The following CEP135 variants were observed in gnomAD, a reference collection of about 807,000 sequenced individuals.
The protein encoded by CEP135 is centrosomal protein of 135 kDa.
CEP135 carries 142 observed loss-of-function variants against 157.3 expected under a neutral mutation model. That is an observed-to-expected ratio of 0.90 (90% CI 0.79 to 1.04). The LOEUF is 1.04. Ranked by LOEUF, CEP135 falls within the 50% of genes least tolerant of loss-of-function variation. The pLI, the probability that CEP135 is intolerant of heterozygous loss-of-function variation, is 0.00. For synonymous variants in CEP135, 396 were observed against 439.8 expected, an observed-to-expected ratio of 0.90 and a Z score of 1.25; for missense variants, 1,317 against 1,309.2, an observed-to-expected ratio of 1.01 and a Z score of -0.09.
At chr4:56,009,984 A>G in intron 19 of CEP135, 81 bp downstream of exon 19, 2 of 1,316,026 alleles carry the variant, frequency 1.5e-6, no homozygotes, top group Non-Finnish European at 2.1e-6. Flanking sequence ...TATTTTTTCT[A>G]AAATCTGATG....
intron 24 of CEP135, among the ~76,000 whole-genome samples, chr4:56,021,794 G>A (rs1560426434): frequency 2.0e-5 from 3 of 152,208 alleles, no homozygotes; most frequent in African/African-American, 7.2e-5. Flanking sequence ...GGAGGCCAAG[G>A]CAGGTGGATT....
At chr4:56,004,405 A>C (rs1401687526) in intron 17 of CEP135, among the ~76,000 whole-genome samples, 1 of 152,218 alleles carries the variant, frequency 6.6e-6, no homozygotes, top group Admixed American at 6.5e-5. Context: ...AATGTTCTGT[A>C]AATGTCAGTT....
chr4:55,959,701 G>T lies in CEP135; in HGVS notation c.634G>T (p.Glu212Ter). 6.2e-7 allele frequency: 1 copy of T among 1,614,032 alleles called. No homozygotes were observed. Among genetic ancestry groups the T allele is most frequent in the Non-Finnish European group, 8.5e-7 (1 of 1,179,962 alleles). ...TTTCAGGATTCAAGAACTTCAACAG[G>T]AAGTCCACCAGCTACAAGAAAAGTT... Reference protein sequence around the residue: ...ADNRIQELQQEVHQLQEKLAM... With the variant: ...ADNRIQELQQ The change falls in exon 6 of 26, where the codon GAA becomes TAA. Residue 212 changes from glutamate to a stop codon, truncating the protein, a stop_gained. Coordinates refer to ENST00000257287, the MANE Select transcript of CEP135 (RefSeq NM_025009.5). LOFTEE classifies it high-confidence loss of function.
At chr4:55,961,229 C>T (rs1402331552) in intron 6 of CEP135, among the ~76,000 whole-genome samples, 1 of 151,756 alleles carries the variant, frequency 6.6e-6, no homozygotes, top group Non-Finnish European at 1.5e-5. Context: ...TATAATTACA[C>T]TTTCATTTTT....
intron 25 of CEP135, among the ~76,000 whole-genome samples, chr4:56,028,930 C>T (rs1018862527): frequency 2.0e-5 from 3 of 152,158 alleles, no homozygotes; most frequent in Admixed American, 1.3e-4. Context: ...CCCTTCCCCT[C>T]GACTTCAGAT....
intron 6 of CEP135, among the ~76,000 whole-genome samples, chr4:55,962,209 C>T (rs1485811487): frequency 6.6e-6 from 1 of 152,090 alleles, no homozygotes; most frequent in Non-Finnish European, 1.5e-5. Flanking sequence ...ATGCCATTCT[C>T]CTGCCTTGGC....
chr4:56,011,973 A>G lies in CEP135; in HGVS notation c.2790A>G (p.Lys930=). ...HLRERVELLE[K]EIQEHINAHH... ...GAGAAAGAGTGGAGCTATTAGAAAA[A>G]GAAATTCAAGAGGTAATATATTTAT... is the stretch of plus-strand genomic sequence containing the variant. Residue 930 remains lysine (K), a synonymous_variant, in exon 21 of 26, where the codon AAA becomes AAG. Coordinates refer to ENST00000257287, the MANE Select transcript of CEP135 (RefSeq NM_025009.5). 6.5e-7 allele frequency: 1 copy of G among 1,538,206 alleles called. No homozygotes were observed. Among genetic ancestry groups the G allele is most frequent in the Non-Finnish European group, 8.7e-7 (1 of 1,144,358 alleles).
Position 55,979,617 on chromosome 4 carries a change from C to T in CEP135, c.1474-526C>T, listed in dbSNP as rs571707577. ...TACCTGTACTGGGCGAGCAGGCACA[C>T]AAGTACCCTGCTGGCCCCTTCTCTG... On this transcript the variant is annotated intron_variant, in intron 11 of 25. Transcript: ENST00000257287. Among the ~76,000 whole-genome samples, 4 of 152,146 alleles carry T rather than the reference C, an allele frequency of 2.6e-5. No individual in the cohort carries two copies. The South Asian group carries it at 8.3e-4, about 32-fold the overall frequency.
intron 14 of CEP135, 21 bp from the exon 15 acceptor site, chr4:55,991,913 G>GTTTTTTTTTTTT: frequency 7.7e-7 from 1 of 1,301,496 alleles, no homozygotes; most frequent in Non-Finnish European, 1.1e-6. Flanking sequence ...TATACCTACT[G>GTTTTTTTTTTTT]TTTTTTTATT....
intron 19 of CEP135, among the ~76,000 whole-genome samples, chr4:56,010,229 G>A (rs1730529382): frequency 1.4e-5 from 2 of 143,202 alleles, no homozygotes; most frequent in Non-Finnish European, 3.0e-5. Flanking sequence ...CAGGCCTGGC[G>A]GCATGCGCCT....
chr4:55,973,174 A>T (rs930498738), intron 10 of CEP135, among the ~76,000 whole-genome samples: 1 of 152,176 alleles, frequency 6.6e-6, no homozygotes, highest in African/African-American at 2.4e-5. Context: ...TGAGCCAAAC[A>T]GTTTACCTTC....
intron 15 of CEP135, among the ~76,000 whole-genome samples, chr4:55,996,919 A>T (rs533626813): frequency 1.3e-5 from 2 of 152,310 alleles, no homozygotes; most frequent in East Asian, 3.9e-4. Context: ...TCCATGTAAT[A>T]CAATATAACT....
Position 56,008,322 on chromosome 4 carries a change from T to C in CEP135, c.2281-5T>C. On this transcript the variant is annotated splice_region_variant and splice_polypyrimidine_tract_variant and intron_variant, in intron 17 of 25. Coordinates refer to ENST00000257287, the MANE Select transcript of CEP135 (RefSeq NM_025009.5). Reference sequence around the variant, plus strand: ...AAATCTTACACATTTTTGTAATTTCTATAGGAAAAAGCTGTTGCTCAAATG... The same window carrying C: ...AAATCTTACACATTTTTGTAATTTCCATAGGAAAAAGCTGTTGCTCAAATG... 1 of 1,604,600 alleles carries C rather than the reference T, an allele frequency of 6.2e-7. No homozygotes were observed. Among genetic ancestry groups the C allele is most frequent in the South Asian group, 1.1e-5 (1 of 89,420 alleles).
In CEP135 at chr4:55,999,491, A is replaced by T. The variant is rs1385646006; in HGVS notation, c.2126A>T (p.Asp709Val). The change falls in exon 17 of 26, where the codon GAT (aspartate) becomes GTT (valine). Residue 709 changes from aspartate to valine, a missense_variant and splice_region_variant. Transcript: ENST00000257287. ...AACAAACATTTCTTTTCATTTGTAG[A>T]TGAACTAAACCTTAAGATGACTTCA... Reference protein sequence around the residue: ...AQIKILEEKIDELNLKMTSQD... With the variant: ...AQIKILEEKIVELNLKMTSQD... The T allele has an allele frequency of 1.2e-6, 2 of 1,612,416 alleles. No individual in the cohort carries two copies. The highest frequency in any genetic ancestry group is 1.7e-6 in the Non-Finnish European group (2 of 1,179,604).
chr4:55,994,745 G>A (rs1368776108), intron 15 of CEP135, among the ~76,000 whole-genome samples: 1 of 150,718 alleles, frequency 6.6e-6, no homozygotes, highest in Non-Finnish European at 1.5e-5. Context: ...GAGCTCAGTG[G>A]CATGATCTTG....
chr4:55,969,428 T>TAAAAA (rs5858359), intron 9 of CEP135, among the ~76,000 whole-genome samples: 5 of 129,132 alleles, frequency 3.9e-5, no homozygotes, highest in South Asian at 2.5e-4. Flanking sequence ...ACTCCATCTT[T>TAAAAA]AAAAAAAAAA....
At chr4:55,960,265 T>G (rs1401920040) in intron 6 of CEP135, 1 of 155,480 alleles carries the variant, frequency 6.4e-6, no homozygotes, top group African/African-American at 2.4e-5. Context: ...TGAACACCAG[T>G]CTCTTAGAAA....
rs373846064 is a variant in CEP135, at chr4:55,965,690, G to T, written c.875G>T (p.Arg292Leu). The stretch of plus-strand genomic sequence containing the variant: ...AATAAAGACCTGGAGAAGCGTATAC[G>T]AGAGCTTATGGAAACCAAGGAAACA... ...QANKDLEKRI[R>L]ELMETKETVT... Residue 292 changes from arginine (R) to leucine (L), a missense_variant, in exon 8 of 26, where the codon CGA (arginine) becomes CTA (leucine). Arg to Leu is a moderately radical substitution (Grantham distance 102). Transcript: ENST00000257287. 1 of 1,613,690 alleles carries T rather than the reference G, an allele frequency of 6.2e-7. No individual in the cohort carries two copies.
chr4:55,958,758 T>G (rs1029851181), intron 5 of CEP135, among the ~76,000 whole-genome samples: 2 of 152,052 alleles, frequency 1.3e-5, no homozygotes, highest in Non-Finnish European at 2.9e-5. Context: ...CCAGCCTCAT[T>G]TACTCCACCC....
Sources: allele counts gnomAD v4.1 joint callset (sites outside exome capture counted in the v4.1 genomes callset), GRCh38; gene constraint gnomAD v4.1.1; transcripts MANE v1.5; gene names NCBI Gene and HGNC (gene_info 2026-07-23, HGNC 2026-07-21).